SPON1: variants seen among roughly 807,000 people sequenced by gnomAD.
The protein encoded by SPON1 is spondin-1.
In SPON1, 52 loss-of-function variants were observed where a neutral mutation model predicts 111.7. That is an observed-to-expected ratio of 0.47 (90% CI 0.37 to 0.59). The LOEUF is 0.59. Among genes scored for constraint, SPON1 ranks in the 20% least tolerant of loss-of-function variants. The pLI is 0.00. For missense variants in SPON1, 957 were observed against 1,068.5 expected (o/e 0.90, Z 1.46); for synonymous variants, 410 against 395.8 (o/e 1.04, Z -0.43).
chr11:14,087,089 G>T (rs1199330210), intron 5 of SPON1, among the ~76,000 whole-genome samples: 6 of 148,712 alleles, frequency 4.0e-5, no homozygotes, highest in African/African-American at 1.5e-4. Flanking sequence ...TTTTTTCAAA[G>T]AACCAGCTCC....
chr11:14,125,011 T>C (rs1039242987), intron 5 of SPON1, among the ~76,000 whole-genome samples: 1 of 152,148 alleles, frequency 6.6e-6, no homozygotes, highest in Non-Finnish European at 1.5e-5. Context: ...ATGACAGACT[T>C]CCCCATGCAT....
intron 6 of SPON1, among the ~76,000 whole-genome samples, chr11:14,162,770 A>G (rs1284466443): frequency 1.3e-5 from 2 of 152,188 alleles, no homozygotes; most frequent in African/African-American, 4.8e-5. Flanking sequence ...GAACAAACAC[A>G]ACTTACTCTT....
At chr11:14,253,977 A>G (rs1182785534) in intron 7 of SPON1, among the ~76,000 whole-genome samples, 2 of 152,216 alleles carry the variant, frequency 1.3e-5, no homozygotes, top group East Asian at 1.9e-4. Context: ...GAGGTTGAAG[A>G]GCGGCCTCTG....
At position 14,072,643 on chromosome 11, in the gene SPON1, G is replaced by A. The variant is rs189693665; in HGVS notation, c.480-2702G>A. On this transcript the variant is annotated intron_variant, in intron 3 of 15. Coordinates refer to ENST00000576479, the MANE Select transcript of SPON1 (RefSeq NM_006108.4). The stretch of plus-strand genomic sequence containing the variant: ...ACAGCTGAAGCCAGGACATGTCTGG[G>A]GAAAATTATAAAGACCCTTGAATAT... 2.9e-4 allele frequency among the ~76,000 whole-genome samples: 44 copies of A among 152,168 alleles called. No homozygotes were observed. The South Asian group carries it at 4.6e-3, about 16-fold the overall frequency.
chr11:14,057,844 C>CAAAAAA (rs1277903384), intron 3 of SPON1, among the ~76,000 whole-genome samples: 42 of 125,506 alleles, frequency 3.3e-4, no homozygotes, highest in African/African-American at 7.0e-4. Flanking sequence ...AAAAAAAAAA[C>CAAAAAA]AAAACAAAAA....
intron 2 of SPON1, among the ~76,000 whole-genome samples, chr11:13,996,085 A>G (rs1848270014): frequency 6.6e-6 from 1 of 152,160 alleles, no homozygotes; most frequent in South Asian, 2.1e-4. Flanking sequence ...TCACACCTCT[A>G]TTTTAAAATT....
intron 2 of SPON1, among the ~76,000 whole-genome samples, chr11:14,018,465 C>A (rs58758401): frequency 0.011 from 1,703 of 152,158 alleles, 26 homozygotes; most frequent in African/African-American, 0.039. Flanking sequence ...AACTGAGAGA[C>A]CAACGGAGGG....
At chr11:14,133,870 G>T (rs377383205) in intron 5 of SPON1, among the ~76,000 whole-genome samples, 1 of 152,156 alleles carries the variant, frequency 6.6e-6, no homozygotes, top group African/African-American at 2.4e-5. Flanking sequence ...GGGCAAACCC[G>T]CATGGTGATG....
chr11:14,025,134 T>C (rs1013664628), intron 2 of SPON1, among the ~76,000 whole-genome samples: 2 of 152,154 alleles, frequency 1.3e-5, no homozygotes, highest in Non-Finnish European at 2.9e-5. Context: ...TCCTGTTCCA[T>C]GTCAGACCCA....
At chr11:14,046,493 A>T (rs1396278935) in intron 3 of SPON1, among the ~76,000 whole-genome samples, 1 of 152,206 alleles carries the variant, frequency 6.6e-6, no homozygotes, top group Non-Finnish European at 1.5e-5. Context: ...TTTATCAAAT[A>T]GTTTATTCTT....
chr11:14,039,887 A>G (rs1053868059), intron 2 of SPON1, among the ~76,000 whole-genome samples: 2 of 152,208 alleles, frequency 1.3e-5, no homozygotes, highest in Non-Finnish European at 2.9e-5. Context: ...CCACTGGCAA[A>G]GATTTTGAAT....
chr11:14,197,100 A>G (rs1375712902), intron 6 of SPON1, among the ~76,000 whole-genome samples: 1 of 152,184 alleles, frequency 6.6e-6, no homozygotes, highest in Non-Finnish European at 1.5e-5. Flanking sequence ...TTTCCTGAGA[A>G]TCTAGCTCAG....
chr11:14,187,996 G>A (rs1482504783), intron 6 of SPON1, among the ~76,000 whole-genome samples: 2 of 152,132 alleles, frequency 1.3e-5, no homozygotes, highest in African/African-American at 4.8e-5. Context: ...GGTCAGACTG[G>A]TCTTGAACTT....
In SPON1 at chr11:14,203,365, C is replaced by T. The variant is rs1419077648; in HGVS notation, c.826-39967C>T. 2.3e-4 allele frequency among the ~76,000 whole-genome samples: 35 copies of T among 152,254 alleles called. No homozygotes were observed. The Middle Eastern group carries it at 0.01, about 44-fold the overall frequency. ...GCTGCTGGCACTTACTGGGTCTTGT[C>T]GTTAGGTGGGCTGCTTTTAATACCA... On this transcript the variant is annotated intron_variant, in intron 6 of 15. Coordinates refer to ENST00000576479, the MANE Select transcript of SPON1 (RefSeq NM_006108.4).
At chr11:14,161,113 C>CTATATATATCTATATATTTTA (rs1478717625) in intron 6 of SPON1, among the ~76,000 whole-genome samples, 1 of 43,154 alleles carries the variant, frequency 2.3e-5, no homozygotes, top group African/African-American at 9.9e-5. Flanking sequence ...TTATATATAT[C>CTATATATATCTATATATTTTA]TATATATCTA....
At chr11:14,148,305 CT>C (rs1420047288) in intron 6 of SPON1, among the ~76,000 whole-genome samples, 1 of 152,118 alleles carries the variant, frequency 6.6e-6, no homozygotes, top group Non-Finnish European at 1.5e-5. Flanking sequence ...ACTTACGTCT[CT>C]TGAAGGGTAT....
chr11:13,977,493 T>C (rs1554909157), intron 1 of SPON1, among the ~76,000 whole-genome samples: 1 of 152,210 alleles, frequency 6.6e-6, no homozygotes, highest in African/African-American at 2.4e-5. Flanking sequence ...GAAGTATTAG[T>C]TTGTGCATTT....
chr11:14,260,368 G>C (rs951973181), intron 13 of SPON1, among the ~76,000 whole-genome samples: 2 of 152,092 alleles, frequency 1.3e-5, no homozygotes, highest in African/African-American at 2.4e-5. Flanking sequence ...TAACCATCGG[G>C]GGGGGTCAGC....
At chr11:14,233,758 CTTT>C (rs10610600) in intron 6 of SPON1, among the ~76,000 whole-genome samples, 14 of 96,818 alleles carry the variant, frequency 1.4e-4, no homozygotes, top group Non-Finnish European at 2.1e-4. Flanking sequence ...GTTTCTTTTT[CTTT>C]TTTTTTTTTT....
Sources: allele counts gnomAD v4.1 joint callset (sites outside exome capture counted in the v4.1 genomes callset), GRCh38; gene constraint gnomAD v4.1.1; transcripts MANE v1.5; gene names NCBI Gene and HGNC (gene_info 2026-07-23, HGNC 2026-07-21).